LIPG: variants seen among roughly 807,000 people sequenced by gnomAD.
LIPG encodes the protein lipase G, endothelial type, also known as endothelial lipase.
LIPG carries 34 observed loss-of-function variants against 51.8 expected under a neutral mutation model. That is an observed-to-expected ratio of 0.66 (90% CI 0.50 to 0.87). The LOEUF is 0.87. Ranked by LOEUF, LIPG falls within the 40% of genes least tolerant of loss-of-function variation. The pLI, the probability that LIPG is intolerant of heterozygous loss-of-function variation, is 0.00. For synonymous variants in LIPG, 246 were observed against 246.1 expected (o/e 1.00, Z 0.00); for missense variants, 580 against 652.7 (o/e 0.89, Z 1.21).
intron 9 of LIPG, among the ~76,000 whole-genome samples, chr18:49,587,096 C>G (rs1460905537): frequency 7.3e-6 from 1 of 136,614 alleles, no homozygotes; most frequent in Non-Finnish European, 1.5e-5. Context: ...TAGTGAAACC[C>G]CATCTCTACT....
chr18:49,575,817 ATTTCT>A (rs5824794), intron 5 of LIPG, among the ~76,000 whole-genome samples: 42,128 of 149,072 alleles, frequency 0.28, 6,454 homozygotes, highest in Middle Eastern at 0.39. Flanking sequence ...TTATTGATTA[ATTTCT>A]TTTCTTTTCT....
At chr18:49,577,637 G>A (rs1288299059) in intron 5 of LIPG, among the ~76,000 whole-genome samples, 3 of 143,570 alleles carry the variant, frequency 2.1e-5, no homozygotes, top group East Asian at 2.0e-4. Flanking sequence ...GCGGCTGGCC[G>A]GGCAGGGGGC....
intron 4 of LIPG, 30 bp downstream of exon 4, chr18:49,569,578 C>A (rs370869105): frequency 5.7e-5 from 88 of 1,542,916 alleles, no homozygotes; most frequent in Non-Finnish European, 7.7e-5. Flanking sequence ...CTAAAGGGCT[C>A]CCTCAGCTGC....
intron 5 of LIPG, among the ~76,000 whole-genome samples, chr18:49,579,325 T>G (rs547339263): frequency 6.6e-6 from 1 of 151,508 alleles, no homozygotes; most frequent in Non-Finnish European, 1.5e-5. Flanking sequence ...TCACTTAACA[T>G]TTTTCTTCTT....
upstream of LIPG, chr18:49,561,998 T>C: frequency 1.4e-6 from 2 of 1,406,312 alleles, no homozygotes; most frequent in Non-Finnish European, 1.8e-6. Flanking sequence ...CAAATCACCA[T>C]CTGGCGATGG....
rs752816323 is a variant in LIPG at position 49,567,507 on chromosome 18, C to T, written c.345C>T (p.Asp115=). 4.3e-5 allele frequency: 69 copies of T among 1,614,012 alleles called. No individual in the cohort carries two copies. The highest frequency in any genetic ancestry group is 4.0e-4 in the South Asian group (36 of 91,078). ...CAGCCCTGCACACAAGAGAGAAAGACGCCAATGTAGTTGTGGTTGACTGGC... is the reference window on the plus strand; with the variant it reads ...CAGCCCTGCACACAAGAGAGAAAGATGCCAATGTAGTTGTGGTTGACTGGC... ...LVSALHTREK[D]ANVVVVDWLP... Residue 115 remains aspartate (D), a synonymous_variant, in exon 3 of 10, where the codon GAC becomes GAT. Transcript: ENST00000261292.
chr18:49,567,446 G>A lies in LIPG; in HGVS notation c.284G>A (p.Ser95Asn), dbSNP rs2084617499. 6.2e-7 allele frequency: 1 copy of A among 1,614,050 alleles called. No homozygotes were observed. Among genetic ancestry groups the A allele is most frequent in the South Asian group, 1.1e-5 (1 of 91,052 alleles). The part of the protein sequence containing the change: ...TFFIIHGWTM[S>N]GIFENWLHKL... ...AACTTCCACTTTTCTCTGCAGATGA[G>A]CGGTATCTTTGAAAACTGGCTGCAC... Residue 95 changes from serine to asparagine, a missense_variant, in exon 3 of 10, where the codon AGC becomes AAC. Physicochemically the swap from Ser to Asn is conservative, Grantham distance 46. Coordinates refer to ENST00000261292, the MANE Select transcript of LIPG (RefSeq NM_006033.4).
In LIPG at chr18:49,577,022, A is replaced by ATT. The variant is rs1036055587; in HGVS notation, c.793+1434_793+1435dup. ...CTCTATTTTATTTTATTTTTTATTT[A>ATT]TTTATTTTTTTTTTATTGATAATTC... is the stretch of plus-strand genomic sequence containing the variant. On this transcript the variant is annotated intron_variant, in intron 5 of 9. Coordinates refer to ENST00000261292, the MANE Select transcript of LIPG (RefSeq NM_006033.4). Among the ~76,000 whole-genome samples the ATT allele has an allele frequency of 5.9e-3, 897 of 151,528 alleles. 6 individuals are homozygous for ATT. Among genetic ancestry groups the ATT allele is most frequent in the African/African-American group, 0.02 (834 of 41,202 alleles).
At chr18:49,578,764 C>T (rs1291563118) in intron 5 of LIPG, among the ~76,000 whole-genome samples, 1 of 151,078 alleles carries the variant, frequency 6.6e-6, no homozygotes, top group Non-Finnish European at 1.5e-5. Flanking sequence ...ACTCCGTCTG[C>T]AATCCCGGCA....
At position 49,562,095 on chromosome 18, in the gene LIPG, G is replaced by A. The variant is rs1484222966; in HGVS notation, c.-214G>A. 6.9e-7 allele frequency: 1 copy of A among 1,448,714 alleles called. No homozygotes were observed. The highest frequency in any genetic ancestry group is 1.4e-5 in the African/African-American group (1 of 70,094). The allele number at this position is 1,448,714 out of a possible 1,614,324, so 89.7% of individuals were successfully genotyped here. A position where few individuals can be genotyped will look rare whatever the true frequency, so the allele number is the denominator to read the frequency against. Reference sequence around the variant, plus strand: ...TGCCTCCCGGCGGCTCAGGACGAGGGCAGATCTCGTTCTGGGGCAAGCCGT... The same window carrying A: ...TGCCTCCCGGCGGCTCAGGACGAGGACAGATCTCGTTCTGGGGCAAGCCGT... On this transcript the variant is annotated 5_prime_UTR_variant, in exon 1 of 10. Transcript: ENST00000261292.
chr18:49,586,344 G>A (rs1380049876), intron 8 of LIPG, among the ~76,000 whole-genome samples: 1 of 152,218 alleles, frequency 6.6e-6, no homozygotes, highest in African/African-American at 2.4e-5. Context: ...AAAACTCCAT[G>A]TTGCAAGAAG....
chr18:49,575,466 G>C lies in LIPG; in HGVS notation c.669G>C (p.Thr223=), dbSNP rs35084417. 27 of 1,614,052 alleles carry C rather than the reference G, an allele frequency of 1.7e-5. No individual in the cohort carries two copies. The East Asian group carries it at 6.0e-4, about 36-fold the overall frequency. ...TTGTGGATGTCCTCCACACCTACAC[G>C]CGTTCCTTCGGCTTGAGCATTGGTA... ...ADFVDVLHTY[T]RSFGLSIGIQ... Residue 223 remains threonine, a synonymous_variant, in exon 5 of 10, where the codon ACG becomes ACC. Transcript: ENST00000261292.
At position 49,593,876 on chromosome 18, in the gene LIPG, AT is replaced by A. The variant is rs1237055365; in HGVS notation, c.*3355del. 1.3e-5 allele frequency: 2 copies of A among 152,224 alleles called. No homozygotes were observed. Among genetic ancestry groups the A allele is most frequent in the African/African-American group, 4.8e-5 (2 of 41,464 alleles). The allele number at this position is 152,224 out of a possible 1,614,324, so 9.4% of individuals were successfully genotyped here. A position where few individuals can be genotyped will look rare whatever the true frequency, so the allele number is the denominator to read the frequency against. ...CAATTACTATTTATTTAAAATTGACATATAATAATTGTACATATTTGTGGGG... is the reference window on the plus strand; with the variant it reads ...CAATTACTATTTATTTAAAATTGACAATAATAATTGTACATATTTGTGGGG... On this transcript the variant is annotated 3_prime_UTR_variant, in exon 10 of 10. Transcript: ENST00000261292.
At chr18:49,583,175 T>C (rs1039830151) in intron 7 of LIPG, among the ~76,000 whole-genome samples, 1 of 152,196 alleles carries the variant, frequency 6.6e-6, no homozygotes, top group African/African-American at 2.4e-5. Context: ...AGAGCATCAT[T>C]AACTCTTTCC....
chr18:49,567,652 A>G (rs1242421061), intron 3 of LIPG, 31 bp downstream of exon 3: 2 of 1,608,872 alleles, frequency 1.2e-6, no homozygotes, highest in Non-Finnish European at 1.7e-6. Flanking sequence ...GTCTCCTGTC[A>G]CCAGCAGGAT....
At chr18:49,588,174 C>A (rs985424014) in intron 9 of LIPG, among the ~76,000 whole-genome samples, 1 of 152,062 alleles carries the variant, frequency 6.6e-6, no homozygotes, top group Non-Finnish European at 1.5e-5. Flanking sequence ...TTCTGGCCAC[C>A]AGGTCAGGTT....
chr18:49,590,340 G>T, intron 9 of LIPG, 161 bp from the exon 10 acceptor site: 1 of 798,102 alleles, frequency 1.3e-6, no homozygotes. Flanking sequence ...GGCAGCACTC[G>T]GGACCTTGTC....
chr18:49,576,790 C>G (rs997584322), intron 5 of LIPG, among the ~76,000 whole-genome samples: 3 of 151,978 alleles, frequency 2.0e-5, no homozygotes, highest in Non-Finnish European at 4.4e-5. Context: ...CTATGTTGCC[C>G]AAGCTGGAGT....
rs180730248 is a variant in LIPG, at chr18:49,579,234, G to C, written c.794-2181G>C. Among the ~76,000 whole-genome samples the C allele has an allele frequency of 5.1e-3, 648 of 125,922 alleles. 9 individuals are homozygous for C. The highest frequency in any genetic ancestry group is 7.7e-3 in the South Asian group (27 of 3,494). The allele number at this position is 125,922 out of a possible 152,430, so 82.6% of individuals were successfully genotyped here. A position where few individuals can be genotyped will look rare whatever the true frequency, so the allele number is the denominator to read the frequency against. ...AGAGGGAGAGGGAGAGGGAGAGGGA[G>C]AGGGCTCACCGGATACACTCTATTT... On this transcript the variant is annotated intron_variant, in intron 5 of 9. Transcript: ENST00000261292.
Sources: allele counts gnomAD v4.1 joint callset (sites outside exome capture counted in the v4.1 genomes callset), GRCh38; gene constraint gnomAD v4.1.1; transcripts MANE v1.5; gene names NCBI Gene and HGNC (gene_info 2026-07-23, HGNC 2026-07-21).